Variants in ASTN2 observed in about 807,000 individuals in gnomAD.
ASTN2 encodes astrotactin 2, also known as astrotactin-2.
In ASTN2, 54 loss-of-function variants were observed where a neutral mutation model predicts 139.8. The ratio of observed to expected loss-of-function variants is 0.39; its 90% CI spans 0.31 to 0.48. The LOEUF is 0.48. ASTN2 is among the 20% of genes least tolerant of loss of function. The pLI, the probability that ASTN2 is intolerant of heterozygous loss-of-function variation, is 0.95. For missense variants in ASTN2, 1,565 were observed against 1,725.1 expected, an observed-to-expected ratio of 0.91 and a Z score of 1.64; for synonymous variants, 756 against 719.5, an observed-to-expected ratio of 1.05 and a Z score of -0.81.
chr9:117,170,847 A>G (rs1043797436), intron 3 of ASTN2, among the ~76,000 whole-genome samples: 8 of 152,188 alleles, frequency 5.3e-5, no homozygotes, highest in Admixed American at 6.5e-5. Context: ...TTTCCCACAT[A>G]CTAATATAAG....
chr9:117,277,396 T>C (rs566560716), intron 2 of ASTN2: 11 of 152,230 alleles, frequency 7.2e-5, no homozygotes, highest in Non-Finnish European at 1.3e-4. Context: ...ACCATTTCAA[T>C]GAGATATATT....
At chr9:117,113,751 G>T (rs1330724545) in intron 4 of ASTN2, among the ~76,000 whole-genome samples, 1 of 152,148 alleles carries the variant, frequency 6.6e-6, no homozygotes, top group Non-Finnish European at 1.5e-5. Flanking sequence ...AATGGAAGAT[G>T]TCAGACACAA....
At chr9:116,818,094 T>A (rs531493443) in intron 12 of ASTN2, among the ~76,000 whole-genome samples, 1 of 152,238 alleles carries the variant, frequency 6.6e-6, no homozygotes, top group Non-Finnish European at 1.5e-5. Flanking sequence ...AATAGTAACA[T>A]CGCTTGTAGA....
intron 10 of ASTN2, among the ~76,000 whole-genome samples, chr9:116,908,086 G>A (rs534631099): frequency 4.6e-5 from 7 of 152,332 alleles, no homozygotes; most frequent in Admixed American, 1.3e-4. Flanking sequence ...CTTGCAGGGT[G>A]AGGCGTGTGG....
chr9:116,505,297 T>C lies in ASTN2; in HGVS notation c.3356-17797A>G, dbSNP rs189533927. Among the ~76,000 whole-genome samples, 56 of 152,120 alleles carry C rather than the reference T, an allele frequency of 3.7e-4. 1 individual carries two copies. The East Asian group carries it at 0.01, about 28-fold the overall frequency. On this transcript the variant is annotated intron_variant, in intron 19 of 22. Transcript: ENST00000313400. ...TCATGAATCCAGGGAGTCTCTGCTCTGTGGAAACAATGTTGGTTCCCGCTC... is the reference window on the plus strand; with the variant it reads ...TCATGAATCCAGGGAGTCTCTGCTCCGTGGAAACAATGTTGGTTCCCGCTC...
intron 1 of ASTN2, among the ~76,000 whole-genome samples, chr9:117,388,963 C>T (rs779400291): frequency 2.6e-5 from 4 of 152,124 alleles, no homozygotes; most frequent in East Asian, 1.9e-4. Context: ...AGATATTATG[C>T]CAGGATCTGG....
intron 10 of ASTN2, among the ~76,000 whole-genome samples, chr9:116,898,103 C>T (rs141501467): frequency 1.4e-3 from 211 of 152,030 alleles, no homozygotes; most frequent in African/African-American, 3.1e-3. Context: ...GGAGACTACA[C>T]GATAATGTGG....
At chr9:116,735,110 G>A (rs553726805) in intron 13 of ASTN2, among the ~76,000 whole-genome samples, 14 of 152,306 alleles carry the variant, frequency 9.2e-5, no homozygotes, top group African/African-American at 3.4e-4. Flanking sequence ...GCTGGGATAC[G>A]AACCCAGGTC....
chr9:116,783,788 G>GA (rs1322388934), intron 13 of ASTN2, among the ~76,000 whole-genome samples: 12 of 152,208 alleles, frequency 7.9e-5, no homozygotes, highest in African/African-American at 2.9e-4. Context: ...GGCTGAGGAG[G>GA]TTCCTAATAC....
intron 16 of ASTN2, among the ~76,000 whole-genome samples, chr9:116,659,046 C>T (rs964976179): frequency 3.3e-5 from 5 of 152,062 alleles, no homozygotes; most frequent in African/African-American, 9.7e-5. Flanking sequence ...GTAAACATAT[C>T]ACAAAGAGTG....
At chr9:117,179,171 G>A (rs1280643918) in intron 3 of ASTN2, among the ~76,000 whole-genome samples, 4 of 152,158 alleles carry the variant, frequency 2.6e-5, no homozygotes, top group East Asian at 1.9e-4. Flanking sequence ...TACAGAGTAT[G>A]TGTGAACAGA....
chr9:116,975,293 C>T lies in ASTN2; in HGVS notation c.1804G>A (p.Val602Met), dbSNP rs1836313601. 1 of 1,613,502 alleles carries T rather than the reference C, an allele frequency of 6.2e-7. No homozygotes were observed. Among genetic ancestry groups the T allele is most frequent in the Non-Finnish European group, 8.5e-7 (1 of 1,179,732 alleles). Residue 602 changes from valine (V) to methionine (M), a missense_variant, in exon 10 of 23, where the codon GTG becomes ATG. Val to Met is a conservative substitution (Grantham distance 21, BLOSUM62 1). Transcript: ENST00000313400. ...ATGGACAGCTCCACAGGCGGAACCA[C>T]AAAGCTTTTGCTGACAGGAAGCCAG... Reference protein sequence around the residue: ...GLWLPVSKSFVVPPVELSINP... With the variant: ...GLWLPVSKSFMVPPVELSINP...
chr9:116,586,751 C>G (rs1215399880), intron 19 of ASTN2, among the ~76,000 whole-genome samples: 1 of 147,004 alleles, frequency 6.8e-6, no homozygotes, highest in African/African-American at 2.5e-5. Context: ...TGTAGTAGAG[C>G]TATGTAATAA....
At chr9:117,387,780 TG>T (rs1473613714) in intron 1 of ASTN2, among the ~76,000 whole-genome samples, 7 of 152,130 alleles carry the variant, frequency 4.6e-5, no homozygotes, top group African/African-American at 1.7e-4. Context: ...ACGTGGGTTG[TG>T]GCATGCAGAG....
chr9:117,396,337 G>A lies in ASTN2; in HGVS notation c.442+18160C>T, dbSNP rs144814413. On this transcript the variant is annotated intron_variant, in intron 1 of 22. Coordinates refer to ENST00000313400, the MANE Select transcript of ASTN2 (RefSeq NM_001365068.1). ...TCATGTTATCTCTGTAGAACATTTCGGGCCTCCCCAGCTATGAATGCTTAC... is the reference window on the plus strand; with the variant it reads ...TCATGTTATCTCTGTAGAACATTTCAGGCCTCCCCAGCTATGAATGCTTAC... Among the ~76,000 whole-genome samples the A allele has an allele frequency of 2.6e-5, 4 of 152,118 alleles. No individual in the cohort carries two copies. The East Asian group carries it at 5.8e-4, about 22-fold the overall frequency.
intron 7 of ASTN2, among the ~76,000 whole-genome samples, chr9:116,979,281 G>A (rs545272183): frequency 1.3e-5 from 2 of 152,142 alleles, no homozygotes; most frequent in East Asian, 1.9e-4. Flanking sequence ...GATACAAGGA[G>A]AGACAGAAGA....
At chr9:116,836,796 GT>G (rs925816370) in intron 11 of ASTN2, among the ~76,000 whole-genome samples, 9 of 151,856 alleles carry the variant, frequency 5.9e-5, no homozygotes, top group Admixed American at 3.9e-4. Flanking sequence ...GACATCCAGG[GT>G]TTTTGGTTGT....
intron 5 of ASTN2, among the ~76,000 whole-genome samples, chr9:117,071,846 G>A (rs1356755348): frequency 6.6e-6 from 1 of 152,106 alleles, no homozygotes; most frequent in Non-Finnish European, 1.5e-5. Flanking sequence ...CCCAGGTGAG[G>A]CAATGCCTAG....
chr9:117,412,106 A>C (rs1831181904), intron 1 of ASTN2, among the ~76,000 whole-genome samples: 2 of 151,854 alleles, frequency 1.3e-5, no homozygotes, highest in African/African-American at 4.8e-5. Flanking sequence ...AAACAGTGGA[A>C]GACCAACACA....
Sources: gnomAD v4.1 joint callset for allele counts (sites outside exome capture counted in the v4.1 genomes callset) on GRCh38, gnomAD v4.1.1 for gene constraint, MANE v1.5 for transcripts, NCBI Gene and HGNC (gene_info 2026-07-23, HGNC 2026-07-21) for gene names.